AP3B1: variants seen among roughly 807,000 people sequenced by gnomAD.
AP3B1 encodes AP-3 complex subunit beta-1.
In AP3B1, 61 loss-of-function variants were observed where a neutral mutation model predicts 132.5. The observed-to-expected ratio is 0.46, with a 90% confidence interval of 0.37 to 0.57. The LOEUF (loss-of-function observed/expected upper bound fraction) is 0.57, where lower values mean the gene tolerates loss of function less well. AP3B1 is among the 20% of genes least tolerant of loss of function. AP3B1 has a pLI of 0.00. For synonymous variants in AP3B1, 388 were observed against 438.3 expected, an observed-to-expected ratio of 0.89 and a Z score of 1.43; for missense variants, 1,120 against 1,289.4, an observed-to-expected ratio of 0.87 and a Z score of 2.01.
intron 2 of AP3B1, among the ~76,000 whole-genome samples, chr5:78,265,207 T>G (rs917696200): frequency 6.6e-6 from 1 of 151,884 alleles, no homozygotes; most frequent in Non-Finnish European, 1.5e-5. Flanking sequence ...AAGGCTGAGG[T>G]GGGAAGATCA....
chr5:78,247,483 C>T (rs1236099740), intron 2 of AP3B1, among the ~76,000 whole-genome samples: 2 of 150,332 alleles, frequency 1.3e-5, no homozygotes, highest in Non-Finnish European at 3.0e-5. Context: ...GTGAATTTGT[C>T]AATCTTTCCT....
At chr5:78,097,578 G>A (rs1355078761) in intron 21 of AP3B1, among the ~76,000 whole-genome samples, 2 of 129,984 alleles carry the variant, frequency 1.5e-5, no homozygotes, top group East Asian at 4.5e-4. Flanking sequence ...CCCCCCGCCC[G>A]GCCAGCCGCC....
intron 7 of AP3B1, among the ~76,000 whole-genome samples, chr5:78,201,270 T>TATCC (rs1300313955): frequency 6.6e-6 from 1 of 152,208 alleles, no homozygotes; most frequent in Non-Finnish European, 1.5e-5. Flanking sequence ...AACCAAAATA[T>TATCC]ATCCACCTTA....
chr5:78,188,264 C>T (rs1040963675), intron 7 of AP3B1, among the ~76,000 whole-genome samples: 7 of 151,872 alleles, frequency 4.6e-5, no homozygotes, highest in African/African-American at 1.7e-4. Flanking sequence ...GCTTCTGCAC[C>T]GCAAACAAAA....
chr5:78,123,580 A>G (rs923697220), intron 17 of AP3B1, among the ~76,000 whole-genome samples: 3 of 152,220 alleles, frequency 2.0e-5, no homozygotes, highest in African/African-American at 7.2e-5. Flanking sequence ...TTATGCAGCC[A>G]AAAAACACAT....
intron 22 of AP3B1, among the ~76,000 whole-genome samples, chr5:78,048,914 G>A (rs1200162328): frequency 6.6e-6 from 1 of 152,130 alleles, no homozygotes; most frequent in Non-Finnish European, 1.5e-5. Context: ...ATGGGAGAAT[G>A]CCCCCTTCCC....
chr5:78,282,286 T>G (rs1324311282), intron 1 of AP3B1, among the ~76,000 whole-genome samples: 1 of 151,764 alleles, frequency 6.6e-6, no homozygotes, highest in Admixed American at 6.6e-5. Context: ...AAAACATACA[T>G]AAGCCTGCCT....
intron 2 of AP3B1, among the ~76,000 whole-genome samples, chr5:78,249,359 C>T (rs1409271154): frequency 4.6e-5 from 7 of 151,842 alleles, no homozygotes; most frequent in South Asian, 4.1e-4. Flanking sequence ...AGTGAGACTC[C>T]GTCTCAAAAA....
intron 11 of AP3B1, among the ~76,000 whole-genome samples, chr5:78,169,593 T>C (rs574039603): frequency 8.9e-4 from 135 of 151,970 alleles, no homozygotes; most frequent in Non-Finnish European, 7.5e-4. Context: ...CACGCCTGGC[T>C]AATTTTGATT....
chr5:78,010,374 G>A lies in AP3B1; in HGVS notation c.3131+5036C>T, dbSNP rs1746568119. Among the ~76,000 whole-genome samples the A allele has an allele frequency of 2.0e-5, 3 of 152,276 alleles. No individual in the cohort carries two copies. In the South Asian group the frequency reaches 6.2e-4, roughly 32 times the overall value. The stretch of plus-strand genomic sequence containing the variant: ...AGTGCTGCCTAAAATAGAGATTCCT[G>A]GGCTCTTTCTCAGATTTACTGAAGC... On this transcript the variant is annotated intron_variant, in intron 26 of 26. Coordinates refer to ENST00000255194, the MANE Select transcript of AP3B1 (RefSeq NM_003664.5).
rs1240121288 is a variant in AP3B1 at position 78,232,529 on chromosome 5, C to T, written c.280-4290G>A. ...CCTGAAGACTGCCCTTCCCAATAATCCACAATAATATCAGCAATCTCTATG... is the reference window on the plus strand; with the variant it reads ...CCTGAAGACTGCCCTTCCCAATAATTCACAATAATATCAGCAATCTCTATG... On this transcript the variant is annotated intron_variant, in intron 3 of 26. Coordinates refer to ENST00000255194, the MANE Select transcript of AP3B1 (RefSeq NM_003664.5). Among the ~76,000 whole-genome samples the T allele has an allele frequency of 3.9e-5, 6 of 152,172 alleles. No individual in the cohort carries two copies. The South Asian group carries it at 8.3e-4, about 21-fold the overall frequency.
chr5:78,109,344 T>C, intron 20 of AP3B1, among the ~76,000 whole-genome samples: 1 of 152,136 alleles, frequency 6.6e-6, no homozygotes, highest in East Asian at 1.9e-4. Flanking sequence ...ATAAATTAAT[T>C]TTCATCCTTG....
At chr5:78,254,660 C>T (rs1747781484) in intron 2 of AP3B1, among the ~76,000 whole-genome samples, 1 of 152,160 alleles carries the variant, frequency 6.6e-6, no homozygotes, top group Non-Finnish European at 1.5e-5. Context: ...TGAGGGATTT[C>T]ATCAATGCCA....
intron 13 of AP3B1, among the ~76,000 whole-genome samples, chr5:78,160,882 C>T: frequency 6.6e-6 from 1 of 151,570 alleles, no homozygotes; most frequent in East Asian, 1.9e-4. Flanking sequence ...TTCCAAACTA[C>T]AAAAAATAGT....
intron 1 of AP3B1, among the ~76,000 whole-genome samples, chr5:78,289,521 C>T (rs1188389784): frequency 6.6e-6 from 1 of 152,164 alleles, no homozygotes; most frequent in East Asian, 1.9e-4. Context: ...TACCTTTCAA[C>T]GTGTGCAGGA....
intron 17 of AP3B1, among the ~76,000 whole-genome samples, chr5:78,120,609 A>C (rs1226238678): frequency 6.6e-6 from 1 of 152,008 alleles, no homozygotes; most frequent in African/African-American, 2.4e-5. Flanking sequence ...CCATTACATA[A>C]TGGTAAAGGG....
chr5:78,103,048 T>C (rs1191556428), intron 20 of AP3B1, among the ~76,000 whole-genome samples: 2 of 152,144 alleles, frequency 1.3e-5, no homozygotes, highest in Non-Finnish European at 1.5e-5. Context: ...CAATAGATAA[T>C]GGTCATTTCT....
chr5:78,002,901 GT>G lies in AP3B1; in HGVS notation c.3285del (p.Ter1095TyrfsTer8). Reference sequence around the variant, plus strand: ...GATTCTAAAGTCCAGATGTAAGCAGGTTACCCCTGAGACAGGACAGGCTTCA... The same window carrying G: ...GATTCTAAAGTCCAGATGTAAGCAGGTACCCCTGAGACAGGACAGGCTTCA... Reference protein sequence around the residue: ...RELKPVLSQG* With the variant: ...RELKPVLSQGX On this transcript the variant is annotated frameshift_variant and stop_lost, in exon 27 of 27. Coordinates refer to ENST00000255194, the MANE Select transcript of AP3B1 (RefSeq NM_003664.5). LOFTEE classifies it high-confidence loss of function. 6.2e-7 allele frequency: 1 copy of G among 1,614,170 alleles called. No individual in the cohort carries two copies. Among genetic ancestry groups the G allele is most frequent in the Non-Finnish European group, 8.5e-7 (1 of 1,180,026 alleles).
intron 7 of AP3B1, among the ~76,000 whole-genome samples, chr5:78,189,179 T>C (rs1744724130): frequency 6.6e-6 from 1 of 152,132 alleles, no homozygotes; most frequent in Non-Finnish European, 1.5e-5. Context: ...GGCACACGTT[T>C]ACCTATGTAA....
Sources: allele counts gnomAD v4.1 joint callset (sites outside exome capture counted in the v4.1 genomes callset), GRCh38; gene constraint gnomAD v4.1.1; transcripts MANE v1.5; gene names NCBI Gene and HGNC (gene_info 2026-07-23, HGNC 2026-07-21).